The following RHEB variants were observed in gnomAD, a reference collection of about 807,000 sequenced individuals.
RHEB encodes the protein GTP-binding protein Rheb.
A neutral mutation model predicts 28.8 loss-of-function variants in RHEB; 2 were observed. The ratio of observed to expected loss-of-function variants is 0.07; its 90% CI spans 0.03 to 0.22. RHEB has a LOEUF of 0.22. RHEB is among the 10% of genes least tolerant of loss of function. RHEB has a pLI of 1.00. For synonymous variants in RHEB, 69 were observed against 77.3 expected, an observed-to-expected ratio of 0.89 and a Z score of 0.56; for missense variants, 76 against 219.9, an observed-to-expected ratio of 0.35 and a Z score of 4.14.
chr7:151,488,145 C>T (rs1269640257), intron 2 of RHEB, among the ~76,000 whole-genome samples: 1 of 152,234 alleles, frequency 6.6e-6, no homozygotes, highest in Non-Finnish European at 1.5e-5. Context: ...AGCTTAATTT[C>T]AGCCTATCAA....
intron 1 of RHEB, chr7:151,503,355 G>A: frequency 4.3e-6 from 4 of 924,262 alleles, no homozygotes; most frequent in Non-Finnish European, 7.2e-6. Flanking sequence ...ACGGGTCTCG[G>A]TTTGTGAAAG....
chr7:151,477,781 T>A (rs1802297648), intron 3 of RHEB, among the ~76,000 whole-genome samples: 1 of 152,222 alleles, frequency 6.6e-6, no homozygotes, highest in African/African-American at 2.4e-5. Flanking sequence ...TAAATCCTGC[T>A]GATTTATCCC....
chr7:151,475,840 A>T (rs913474999), intron 4 of RHEB, among the ~76,000 whole-genome samples: 6 of 152,242 alleles, frequency 3.9e-5, no homozygotes, highest in Non-Finnish European at 5.9e-5. Flanking sequence ...CATGGTAAGT[A>T]AAAATATAAA....
Position 151,468,086 on chromosome 7 carries a change from G to A in RHEB, c.463-875C>T, listed in dbSNP as rs1242457999. Among the ~76,000 whole-genome samples the A allele has an allele frequency of 6.6e-6, 1 of 151,828 alleles. No individual in the cohort carries two copies. The highest frequency in any genetic ancestry group is 6.6e-5 in the Admixed American group (1 of 15,238). On this transcript the variant is annotated intron_variant, in intron 7 of 7. Transcript: ENST00000262187. The surrounding 1 kb of genome is among the most constrained non-coding windows in gnomAD (Gnocchi z 4.3). The stretch of plus-strand genomic sequence containing the variant: ...TGCCCCTGTTCTCAGAAGCCCCACA[G>A]GAAGTACCCTGTTCTCCTAATCACC...
chr7:151,479,447 C>A (rs927670830), intron 3 of RHEB, among the ~76,000 whole-genome samples: 2 of 152,092 alleles, frequency 1.3e-5, no homozygotes, highest in Non-Finnish European at 2.9e-5. Flanking sequence ...CTTTGGGAGG[C>A]CAAGGTGGGC....
At chr7:151,507,331 T>C (rs1584866682) in intron 1 of RHEB, among the ~76,000 whole-genome samples, 1 of 152,130 alleles carries the variant, frequency 6.6e-6, no homozygotes, top group Non-Finnish European at 1.5e-5. Context: ...GGATTGGTGG[T>C]TGTTGCTTTT....
At chr7:151,487,449 C>T (rs1021420713) in intron 2 of RHEB, among the ~76,000 whole-genome samples, 1 of 151,800 alleles carries the variant, frequency 6.6e-6, no homozygotes, top group African/African-American at 2.4e-5. Flanking sequence ...ACCAGGGCAC[C>T]CCATGTTGCC....
chr7:151,487,483 C>T (rs992366674), intron 2 of RHEB, among the ~76,000 whole-genome samples: 3 of 150,554 alleles, frequency 2.0e-5, no homozygotes, highest in Admixed American at 1.3e-4. Context: ...GCAGAAGATT[C>T]GGCCAAGAAG....
intron 1 of RHEB, among the ~76,000 whole-genome samples, chr7:151,493,306 A>G (rs181700050): frequency 4.6e-5 from 7 of 151,638 alleles, no homozygotes; most frequent in African/African-American, 1.7e-4. Context: ...TACTCTAGCA[A>G]CCCCCACTGC....
At chr7:151,510,844 T>C (rs2150938634) in intron 1 of RHEB, among the ~76,000 whole-genome samples, 1 of 152,186 alleles carries the variant, frequency 6.6e-6, no homozygotes, top group East Asian at 1.9e-4. Flanking sequence ...TCTGGGAGGC[T>C]GAGGTGGCTG....
chr7:151,513,509 T>C lies in RHEB; in HGVS notation c.52+5951A>G, dbSNP rs578014875. The stretch of plus-strand genomic sequence containing the variant: ...TAACAAATGTGATTTTTAAAAATGC[T>C]TGTATAATAAAATGTGTCAACATGT... On this transcript the variant is annotated intron_variant, in intron 1 of 7. Transcript: ENST00000262187. Among the ~76,000 whole-genome samples the C allele has an allele frequency of 2.6e-5, 4 of 152,360 alleles. No individual in the cohort carries two copies. The East Asian group carries it at 7.7e-4, about 29-fold the overall frequency.
At chr7:151,477,309 T>G (rs748391118) in intron 4 of RHEB, 24 bp downstream of exon 4, 3 of 1,396,460 alleles carry the variant, frequency 2.1e-6, no homozygotes, top group African/African-American at 2.8e-5. Context: ...GCAAATCAAC[T>G]CAAGCAGGCA....
intron 3 of RHEB, among the ~76,000 whole-genome samples, chr7:151,482,475 A>G (rs1165114072): frequency 6.6e-6 from 1 of 152,238 alleles, no homozygotes; most frequent in Non-Finnish European, 1.5e-5. Flanking sequence ...GTGTAACCCC[A>G]GGGCCCACAC....
chr7:151,502,848 C>T (rs1163570854), intron 1 of RHEB: 2 of 1,028,498 alleles, frequency 1.9e-6, no homozygotes, highest in Non-Finnish European at 3.1e-6. Context: ...TTAGCTGGAT[C>T]TGCTGACTTT....
Position 151,477,246 on chromosome 7 carries a change from C to T in RHEB, c.275+87G>A, listed in dbSNP as rs147940761. The T allele has an allele frequency of 3.7e-3, 3,002 of 804,918 alleles. 10 individuals carry two copies. The highest frequency in any genetic ancestry group is 4.8e-3 in the Non-Finnish European group (2,309 of 483,720). The allele number at this position is 804,918 out of a possible 1,614,324, so 49.9% of individuals were successfully genotyped here. On this transcript the variant is annotated intron_variant, in intron 4 of 7. Transcript: ENST00000262187. ...TGTAGCCTAATAATTCTAATTGTCACTATTAATAATTCCAGCACAGTCCCT... is the reference window on the plus strand; with the variant it reads ...TGTAGCCTAATAATTCTAATTGTCATTATTAATAATTCCAGCACAGTCCCT...
At chr7:151,517,437 A>G (rs1803101938) in intron 1 of RHEB, among the ~76,000 whole-genome samples, 1 of 152,016 alleles carries the variant, frequency 6.6e-6, no homozygotes, top group African/African-American at 2.4e-5. Context: ...ATCGTTTAAT[A>G]TGACTACGCT....
At chr7:151,478,185 G>A (rs1299007321) in intron 3 of RHEB, among the ~76,000 whole-genome samples, 3 of 152,078 alleles carry the variant, frequency 2.0e-5, no homozygotes, top group South Asian at 2.1e-4. Context: ...AACAGCACGC[G>A]CCACTGTCTG....
intron 2 of RHEB, among the ~76,000 whole-genome samples, chr7:151,487,407 T>C (rs1467937245): frequency 6.6e-6 from 1 of 152,016 alleles, no homozygotes; most frequent in African/African-American, 2.4e-5. Context: ...AGGGGAAGAT[T>C]ACTTGAGAGC....
At chr7:151,482,989 CA>C (rs1165271156) in intron 3 of RHEB, among the ~76,000 whole-genome samples, 1 of 152,170 alleles carries the variant, frequency 6.6e-6, no homozygotes, top group East Asian at 1.9e-4. Context: ...GGACAGGTAT[CA>C]GGGGGTGAAA....
Sources: allele counts gnomAD v4.1 joint callset (sites outside exome capture counted in the v4.1 genomes callset), GRCh38; gene constraint gnomAD v4.1.1; non-coding constraint Gnocchi (gnomAD v3.1); transcripts MANE v1.5; gene names NCBI Gene and HGNC (gene_info 2026-07-23, HGNC 2026-07-21).